ESR1: variants seen among roughly 807,000 people sequenced by gnomAD.
ESR1 encodes estrogen receptor 1, also known as estrogen receptor.
Under a neutral mutation model 52.7 loss-of-function variants are expected in ESR1, and 12 were observed. The ratio of observed to expected loss-of-function variants is 0.23; its 90% CI spans 0.15 to 0.37. The LOEUF is 0.37. Among genes scored for constraint, ESR1 ranks in the 10% least tolerant of loss-of-function variants. The pLI is 1.00. For missense variants in ESR1, 584 were observed against 779.7 expected (o/e 0.75, Z 2.99); for synonymous variants, 305 against 316.8 (o/e 0.96, Z 0.39).
intron 1 of ESR1, among the ~76,000 whole-genome samples, chr6:151,701,529 CAAAAAAA>C (rs57589542): frequency 0.46 from 41,352 of 88,956 alleles, 6,802 homozygotes; most frequent in Non-Finnish European, 0.5. Flanking sequence ...CACTACATCT[CAAAAAAA>C]AAAAAAAAAA....
intron 2 of ESR1, among the ~76,000 whole-genome samples, chr6:151,856,651 G>T (rs571354813): frequency 1.3e-5 from 2 of 152,044 alleles, no homozygotes; most frequent in Non-Finnish European, 2.9e-5. Flanking sequence ...TTTTCTTAAG[G>T]TTGGTACTAT....
chr6:151,966,978 T>G (rs1000010720), intron 4 of ESR1, among the ~76,000 whole-genome samples: 1 of 152,188 alleles, frequency 6.6e-6, no homozygotes, highest in Non-Finnish European at 1.5e-5. Flanking sequence ...TTTCACGTGA[T>G]CATTGCTCAA....
intron 5 of ESR1, among the ~76,000 whole-genome samples, chr6:152,054,428 C>A (rs904029984): frequency 1.3e-5 from 2 of 152,052 alleles, no homozygotes; most frequent in African/African-American, 4.8e-5. Flanking sequence ...GCCCTGATTT[C>A]TCTTTATCAC....
chr6:151,884,418 C>T (rs550710412), intron 3 of ESR1, among the ~76,000 whole-genome samples: 1 of 152,194 alleles, frequency 6.6e-6, no homozygotes, highest in African/African-American at 2.4e-5. Flanking sequence ...TGTTTTCAAC[C>T]ATTAGGGTTC....
downstream of ESR1, among the ~76,000 whole-genome samples, chr6:152,105,109 C>G (rs2051047939): frequency 6.6e-6 from 1 of 152,166 alleles, no homozygotes; most frequent in African/African-American, 2.4e-5. Context: ...CTCTCCATCT[C>G]TTCATTTGTC....
chr6:151,965,766 A>T (rs2038199762), intron 4 of ESR1, among the ~76,000 whole-genome samples: 2 of 152,064 alleles, frequency 1.3e-5, no homozygotes, highest in Admixed American at 6.5e-5. Flanking sequence ...CTTCTTTTCC[A>T]TTCTTTTCCC....
intron 2 of ESR1, among the ~76,000 whole-genome samples, chr6:151,775,510 A>G (rs374978151): frequency 5.8e-4 from 88 of 152,104 alleles, no homozygotes; most frequent in African/African-American, 9.4e-4. Context: ...CACTTTGGGA[A>G]GCCGAAGCGG....
intron 2 of ESR1, among the ~76,000 whole-genome samples, chr6:151,744,835 T>C (rs924488615): frequency 5.9e-5 from 9 of 152,390 alleles, no homozygotes; most frequent in Admixed American, 4.6e-4. Context: ...AAGAGTTTTA[T>C]AGTTTCAGCT....
At chr6:152,084,831 G>A (rs899149758) in intron 6 of ESR1, among the ~76,000 whole-genome samples, 2 of 152,104 alleles carry the variant, frequency 1.3e-5, no homozygotes, top group African/African-American at 2.4e-5. Context: ...CATTTATTCC[G>A]TGGTGAGAAA....
intron 2 of ESR1, among the ~76,000 whole-genome samples, chr6:151,776,964 A>G (rs948288096): frequency 1.3e-5 from 2 of 152,016 alleles, no homozygotes; most frequent in South Asian, 4.2e-4. Flanking sequence ...GCGGACATTC[A>G]GGTTTTATGG....
intron 6 of ESR1, among the ~76,000 whole-genome samples, chr6:152,085,577 T>C (rs1244530281): frequency 6.6e-6 from 1 of 151,990 alleles, no homozygotes; most frequent in Non-Finnish European, 1.5e-5. Context: ...GGCTAGCAAT[T>C]GATGTTGGCT....
At chr6:152,054,136 C>T (rs13191986) in intron 5 of ESR1, among the ~76,000 whole-genome samples, 33,220 of 151,714 alleles carry the variant, frequency 0.22, 5,279 homozygotes, top group African/African-American at 0.44. Flanking sequence ...AGTTTCAGAC[C>T]CACATTTTCA....
rs547802086 is a variant in ESR1 at position 151,874,033 on chromosome 6, G to A, written c.644-6622G>A. 4.6e-5 allele frequency among the ~76,000 whole-genome samples: 7 copies of A among 152,120 alleles called. No individual in the cohort carries two copies. The East Asian group carries it at 1.2e-3, about 25-fold the overall frequency. Reference sequence around the variant, plus strand: ...CGGACTCCTCCAATGAGGCTTTTTCGCAGGATTAGCTAAAATTGGCTCTTA... The same window carrying A: ...CGGACTCCTCCAATGAGGCTTTTTCACAGGATTAGCTAAAATTGGCTCTTA... On this transcript the variant is annotated intron_variant, in intron 2 of 7. Transcript: ENST00000206249.
In ESR1 at chr6:151,858,250, G is replaced by A. The variant is rs1479543407; in HGVS notation, c.643+15463G>A. ...GGGTTGTTGAGAAATCATAGCAGAGGAAAGCCTGTGTTGATAATAGAGTAC... is the reference window on the plus strand; with the variant it reads ...GGGTTGTTGAGAAATCATAGCAGAGAAAAGCCTGTGTTGATAATAGAGTAC... On this transcript the variant is annotated intron_variant, in intron 2 of 7. Coordinates refer to ENST00000206249, the MANE Select transcript of ESR1 (RefSeq NM_000125.4). 5.3e-5 allele frequency among the ~76,000 whole-genome samples: 8 copies of A among 152,308 alleles called. No individual in the cohort carries two copies. The East Asian group carries it at 1.5e-3, about 29-fold the overall frequency.
chr6:151,675,911 G>T (rs1262120649), intron 1 of ESR1, among the ~76,000 whole-genome samples: 1 of 152,208 alleles, frequency 6.6e-6, no homozygotes, highest in Admixed American at 6.5e-5. Context: ...TGGACCAGGT[G>T]GGGGCAGCAG....
rs529079427 is a variant in ESR1, at chr6:151,808,302, C to T, written c.390C>T (p.Tyr130=). 6 of 1,573,660 alleles carry T rather than the reference C, an allele frequency of 3.8e-6. No homozygotes were observed. The East Asian group carries it at 1.1e-4, about 30-fold the overall frequency. ...AGCCCCACGGCCAGCAGGTGCCCTA[C>T]TACCTGGAGAACGAGCCCAGCGGCT... ...FLQPHGQQVP[Y]YLENEPSGYT... The change falls in exon 1 of 8, where the codon TAC becomes TAT. Residue 130 remains tyrosine, a synonymous_variant. Coordinates refer to ENST00000206249, the MANE Select transcript of ESR1 (RefSeq NM_000125.4).
chr6:151,856,365 G>C (rs1170713555), intron 2 of ESR1, among the ~76,000 whole-genome samples: 1 of 152,118 alleles, frequency 6.6e-6, no homozygotes, highest in Non-Finnish European at 1.5e-5. Context: ...CAACTTTCTT[G>C]ATTTTCTTCC....
chr6:151,721,867 A>C (rs779069155), intron 2 of ESR1, among the ~76,000 whole-genome samples: 5 of 152,242 alleles, frequency 3.3e-5, no homozygotes, highest in Non-Finnish European at 7.3e-5. Context: ...TGTTAAACAA[A>C]TGTACGTTGC....
intron 4 of ESR1, among the ~76,000 whole-genome samples, chr6:152,002,964 G>C (rs2207230): frequency 0.029 from 4,374 of 151,994 alleles, 190 homozygotes; most frequent in African/African-American, 0.097. Context: ...GTTTATTTGG[G>C]GATGAGGGTG....
Sources: allele counts gnomAD v4.1 joint callset (sites outside exome capture counted in the v4.1 genomes callset), GRCh38; gene constraint gnomAD v4.1.1; transcripts MANE v1.5; gene names NCBI Gene and HGNC (gene_info 2026-07-23, HGNC 2026-07-21).